Variants in MDM4 observed in about 807,000 individuals in gnomAD.
MDM4 encodes protein Mdm4.
A neutral mutation model predicts 60.2 loss-of-function variants in MDM4; 2 were observed. The ratio of observed to expected loss-of-function variants is 0.03; its 90% CI spans 0.01 to 0.10. The LOEUF is 0.10. Among genes scored for constraint, MDM4 ranks in the 10% least tolerant of loss-of-function variants. The pLI, the probability that MDM4 is intolerant of heterozygous loss-of-function variation, is 1.00. For missense variants in MDM4, 447 were observed against 577.5 expected (o/e 0.77, Z 2.32); for synonymous variants, 202 against 198.1 (o/e 1.02, Z -0.17).
chr1:204,529,843 CTCTA>C (rs1348346774), intron 3 of MDM4, among the ~76,000 whole-genome samples: 3 of 152,190 alleles, frequency 2.0e-5, no homozygotes, highest in Non-Finnish European at 2.9e-5. Context: ...TGAACCTTGA[CTCTA>C]TCTATTGCAT....
rs4252682 is a variant in MDM4 at position 204,526,752 on chromosome 1, C to T, written c.153+318C>T. On this transcript the variant is annotated intron_variant, in intron 3 of 10. Transcript: ENST00000367182. The stretch of plus-strand genomic sequence containing the variant: ...TGCTGGGATTACAGGCATGAGCCAC[C>T]GCGCCTGGCCAAATTCTCAGTTTTA... 6.5e-3 allele frequency among the ~76,000 whole-genome samples: 995 copies of T among 152,202 alleles called. 8 individuals are homozygous for T. Among genetic ancestry groups the T allele is most frequent in the African/African-American group, 0.023 (947 of 41,538 alleles).
chr1:204,551,193 C>T lies in MDM4; in HGVS notation c.*1511C>T. ...AAGTAGCTGGGTCTATAGGCGCGTG[C>T]CACCACCATGCCCAGCTGAATTTTG... is the stretch of plus-strand genomic sequence containing the variant. On this transcript the variant is annotated 3_prime_UTR_variant, in exon 11 of 11. Transcript: ENST00000367182. 5.0e-6 allele frequency: 1 copy of T among 199,584 alleles called. No homozygotes were observed. Among genetic ancestry groups the T allele is most frequent in the Non-Finnish European group, 1.0e-5 (1 of 96,908 alleles). 12.4% of individuals were successfully genotyped at this position (199,584 alleles called of 1,614,324 possible).
At chr1:204,526,467 GTTTT>G in intron 3 of MDM4, 33 bp downstream of exon 3, 1 of 1,185,308 alleles carries the variant, frequency 8.4e-7, no homozygotes, top group Non-Finnish European at 1.2e-6. Flanking sequence ...CATTTTTTTT[GTTTT>G]TTTTTTTTTT....
intron 3 of MDM4, chr1:204,529,680 A>G (rs1660660629): frequency 3.4e-6 from 2 of 592,044 alleles, no homozygotes; most frequent in East Asian, 3.0e-5. Context: ...CCCCGCCCAT[A>G]CAGATAGCTG....
At position 204,544,756 on chromosome 1, in the gene MDM4, ATC is replaced by A. The variant is rs1173961411; in HGVS notation, c.822+74_822+75del. 2.1e-6 allele frequency: 3 copies of A among 1,402,848 alleles called. No individual in the cohort carries two copies. The African/African-American group carries it at 4.3e-5, about 20-fold the overall frequency. The allele number at this position is 1,402,848 out of a possible 1,614,324, so 86.9% of individuals were successfully genotyped here. ...GTATCATCTGTTGAGATTTCTTTGT[ATC>A]TGTTTTTACAACAGATTGCTCACAT... is the stretch of plus-strand genomic sequence containing the variant. On this transcript the variant is annotated intron_variant, in intron 9 of 10. Transcript: ENST00000367182.
chr1:204,528,663 CCTCA>C (rs1228173762), intron 3 of MDM4, among the ~76,000 whole-genome samples: 12 of 152,196 alleles, frequency 7.9e-5, no homozygotes, highest in Non-Finnish European at 1.6e-4. Context: ...CAGCCCTGGT[CCTCA>C]CTATTTGGTG....
At chr1:204,533,887 A>C (rs1457821221) in intron 5 of MDM4, among the ~76,000 whole-genome samples, 1 of 149,644 alleles carries the variant, frequency 6.7e-6, no homozygotes, top group African/African-American at 2.5e-5. Flanking sequence ...GGCTTAACTC[A>C]TCTTCCTGTC....
intron 1 of MDM4, among the ~76,000 whole-genome samples, chr1:204,516,852 C>T (rs1659024876): frequency 6.6e-6 from 1 of 152,122 alleles, no homozygotes; most frequent in South Asian, 2.1e-4. Flanking sequence ...AGAGAGGGAA[C>T]CGGGTAGAAT....
At chr1:204,539,230 C>T (rs1456196588) in intron 7 of MDM4, among the ~76,000 whole-genome samples, 2 of 152,062 alleles carry the variant, frequency 1.3e-5, no homozygotes, top group Admixed American at 1.3e-4. Flanking sequence ...AAATGGTCTA[C>T]CCGCCTCAGC....
In MDM4 at chr1:204,551,437, T is replaced by C. The variant is rs79825306; in HGVS notation, c.*1755T>C. 693 of 223,938 alleles carry C rather than the reference T, an allele frequency of 3.1e-3. 6 individuals are homozygous for C. Among genetic ancestry groups the C allele is most frequent in the African/African-American group, 0.015 (630 of 43,430 alleles). 13.9% of individuals were successfully genotyped at this position (223,938 alleles called of 1,614,324 possible). On this transcript the variant is annotated 3_prime_UTR_variant, in exon 11 of 11. Transcript: ENST00000367182. ...TACACCAAGGCAATACGCCTTGATA[T>C]ACTGGATGGTTGAGAGGCAGCCTCT...
chr1:204,530,233 G>A (rs1660728368), intron 3 of MDM4, among the ~76,000 whole-genome samples: 1 of 152,112 alleles, frequency 6.6e-6, no homozygotes, highest in Non-Finnish European at 1.5e-5. Context: ...AATGCTGATG[G>A]CTCTTATTAA....
intron 10 of MDM4, among the ~76,000 whole-genome samples, chr1:204,547,827 G>A (rs1395409569): frequency 3.9e-5 from 6 of 152,234 alleles, no homozygotes; most frequent in African/African-American, 1.2e-4. Flanking sequence ...GGCTTCGAGC[G>A]ATTCTCCTGC....
At chr1:204,518,950 C>T (rs1398185265) in intron 1 of MDM4, among the ~76,000 whole-genome samples, 1 of 152,208 alleles carries the variant, frequency 6.6e-6, no homozygotes, top group Non-Finnish European at 1.5e-5. Flanking sequence ...GTGTGAGCCA[C>T]TGCTTCTGGC....
At chr1:204,543,045 T>G in intron 8 of MDM4, 101 bp downstream of exon 8, 1 of 1,039,304 alleles carries the variant, frequency 9.6e-7, no homozygotes, top group Non-Finnish European at 1.4e-6. Context: ...AATTCTTATT[T>G]ACTCCTATGG....
At chr1:204,523,646 AGTT>A (rs1022786769) in intron 1 of MDM4, among the ~76,000 whole-genome samples, 3 of 151,486 alleles carry the variant, frequency 2.0e-5, no homozygotes, top group Non-Finnish European at 2.9e-5. Context: ...ATGCCCAGCT[AGTT>A]GTTGTATTTT....
rs116453097 is a variant in MDM4, at chr1:204,555,863, A to G, written c.*6181A>G. On this transcript the variant is annotated 3_prime_UTR_variant, in exon 11 of 11. Transcript: ENST00000367182. ...CTGGGTGACAGAGACTCTGTCTCAAAAAAAAGGACATTTATCATTATAACA... is the reference window on the plus strand; with the variant it reads ...CTGGGTGACAGAGACTCTGTCTCAAGAAAAAGGACATTTATCATTATAACA... The G allele has an allele frequency of 0.015, 2,761 of 187,270 alleles. 82 individuals are homozygous for G. Among genetic ancestry groups the G allele is most frequent in the African/African-American group, 0.059 (2,521 of 42,852 alleles). The allele number at this position is 187,270 out of a possible 1,614,324, so 11.6% of individuals were successfully genotyped here.
chr1:204,546,825 T>C lies in MDM4; in HGVS notation c.851T>C (p.Leu284Pro). ...KVIEVGKNDD[L>P]EDSKSLSDDT... ...ATTGAAGTGGGAAAAAATGATGACC[T>C]GGAGGACTCTAAGTCCTTAAGTGAT... Residue 284 changes from leucine (L) to proline (P), a missense_variant, in exon 10 of 11, where the codon CTG becomes CCG. This residue lies in a region of MDM4 where 184 missense variants were observed against 179.3 expected (regional missense o/e 1.03). Coordinates refer to ENST00000367182, the MANE Select transcript of MDM4 (RefSeq NM_002393.5). 1 of 1,613,196 alleles carries C rather than the reference T, an allele frequency of 6.2e-7. No individual in the cohort carries two copies. The highest frequency in any genetic ancestry group is 8.5e-7 in the Non-Finnish European group (1 of 1,179,284).
chr1:204,528,884 G>A (rs775019174), intron 3 of MDM4: 5 of 1,593,370 alleles, frequency 3.1e-6, no homozygotes, highest in South Asian at 1.1e-5. Context: ...CGTCCTTGAA[G>A]CTGAGCCGAA....
rs1232281391 is a variant in MDM4, at chr1:204,555,385, CCT to C, written c.*5705_*5706del. 6.4e-6 allele frequency: 1 copy of C among 157,286 alleles called. No individual in the cohort carries two copies. Among genetic ancestry groups the C allele is most frequent in the Non-Finnish European group, 1.4e-5 (1 of 71,070 alleles). The allele number at this position is 157,286 out of a possible 1,614,324, so 9.7% of individuals were successfully genotyped here. ...AGCCAGGATGGTCTTGATCTCCTGA[CCT>C]CGTGATCTGCCCACCTCAGCCTCCC... On this transcript the variant is annotated 3_prime_UTR_variant, in exon 11 of 11. Coordinates refer to ENST00000367182, the MANE Select transcript of MDM4 (RefSeq NM_002393.5).
Sources: allele counts gnomAD v4.1 joint callset (sites outside exome capture counted in the v4.1 genomes callset), GRCh38; gene constraint gnomAD v4.1.1; regional missense constraint gnomAD v4.1.1; transcripts MANE v1.5; gene names NCBI Gene and HGNC (gene_info 2026-07-23, HGNC 2026-07-21).